IAPP: variants seen among roughly 807,000 people sequenced by gnomAD.
IAPP encodes the protein Islet amyloid polypeptide (diabetes-associated peptide; amylin).
Under a neutral mutation model 2.9 loss-of-function variants are expected in IAPP, and 4 were observed. That is an observed-to-expected ratio of 1.39 (90% CI 0.69 to 3.19). The LOEUF (loss-of-function observed/expected upper bound fraction) is 3.19. IAPP is among the 30% of genes most tolerant of loss of function. The pLI, the probability that IAPP is intolerant of heterozygous loss-of-function variation, is 0.01. For synonymous variants in IAPP, 40 were observed against 42.1 expected (o/e 0.95, Z 0.19); for missense variants, 114 against 105.3 (o/e 1.08, Z -0.36).
At chr12:21,376,649 T>C (rs887334013) in intron 2 of IAPP, among the ~76,000 whole-genome samples, 8 of 151,270 alleles carry the variant, frequency 5.3e-5, no homozygotes, top group Non-Finnish European at 1.2e-4. Context: ...GGAAGAAATA[T>C]GGGAGTAAAA....
chr12:21,367,256 A>T (rs1454017208), intron 1 of IAPP, among the ~76,000 whole-genome samples: 1 of 152,178 alleles, frequency 6.6e-6, no homozygotes. Flanking sequence ...TCAGTCTTTC[A>T]TGTGTCCATT....
In IAPP at chr12:21,378,738, G is replaced by A. The variant is rs1161272674; in HGVS notation, c.*312G>A. On this transcript the variant is annotated 3_prime_UTR_variant, in exon 3 of 3. Coordinates refer to ENST00000240652, the MANE Select transcript of IAPP (RefSeq NM_000415.3). ...GGAGAAAAAGGTAGTTTGAACCTTG[G>A]TAAATTGTAAACAGCTAATAATGAA... The A allele has an allele frequency of 3.9e-6, 1 of 253,828 alleles. No individual in the cohort carries two copies. The highest frequency in any genetic ancestry group is 8.4e-5 in the East Asian group (1 of 11,918). 15.7% of individuals were successfully genotyped at this position (253,828 alleles called of 1,614,324 possible). A position where few individuals can be genotyped will look rare whatever the true frequency, so the allele number is the denominator to read the frequency against.
In IAPP at chr12:21,378,433, A is replaced by T. The variant is rs755253916; in HGVS notation, c.*7A>T. ...GAATTACTTGCCCCTTTAGAGGACA[A>T]TGTAACTCTATAGTTATTGTTTTAT... On this transcript the variant is annotated 3_prime_UTR_variant, in exon 3 of 3. Transcript: ENST00000240652. The T allele has an allele frequency of 1.2e-6, 2 of 1,601,128 alleles. No individual in the cohort carries two copies. The highest frequency in any genetic ancestry group is 2.7e-5 in the African/African-American group (2 of 74,668).
At chr12:21,359,573 C>T (rs553589529) in intron 1 of IAPP, among the ~76,000 whole-genome samples, 1 of 152,108 alleles carries the variant, frequency 6.6e-6, no homozygotes, top group East Asian at 1.9e-4. Flanking sequence ...TAGTGTCTCA[C>T]TAATAAATGT....
upstream of IAPP, among the ~76,000 whole-genome samples, chr12:21,370,984 T>C (rs1456659505): frequency 6.6e-6 from 1 of 152,244 alleles, no homozygotes; most frequent in Non-Finnish European, 1.5e-5. Flanking sequence ...GTTACAGCTC[T>C]GGCATTTATA....
chr12:21,369,234 C>G (rs1939611248), upstream of IAPP, among the ~76,000 whole-genome samples: 1 of 152,126 alleles, frequency 6.6e-6, no homozygotes, highest in Non-Finnish European at 1.5e-5. Context: ...TATCTTCAAT[C>G]TCTTCTCATT....
chr12:21,365,904 T>C (rs907035660), intron 1 of IAPP, among the ~76,000 whole-genome samples: 3 of 152,194 alleles, frequency 2.0e-5, no homozygotes, highest in Admixed American at 2.0e-4. Flanking sequence ...AAACAACAGG[T>C]GCTGGAGAGG....
At chr12:21,355,365 T>C (rs1937812028) in intron 1 of IAPP, among the ~76,000 whole-genome samples, 1 of 152,174 alleles carries the variant, frequency 6.6e-6, no homozygotes, top group Non-Finnish European at 1.5e-5. Flanking sequence ...AACATATTTT[T>C]ATGGCTAAGC....
intron 2 of IAPP, among the ~76,000 whole-genome samples, chr12:21,375,096 G>A (rs1940093907): frequency 6.6e-6 from 1 of 152,166 alleles, no homozygotes; most frequent in East Asian, 1.9e-4. Flanking sequence ...GGGATTATAA[G>A]AGTGAGCCAC....
At chr12:21,364,541 T>C (rs933167024) in intron 1 of IAPP, among the ~76,000 whole-genome samples, 1 of 152,234 alleles carries the variant, frequency 6.6e-6, no homozygotes, top group African/African-American at 2.4e-5. Flanking sequence ...TTGGAAGTTC[T>C]GGCCAGGGCA....
At chr12:21,362,202 C>T (rs1344133210) in intron 1 of IAPP, among the ~76,000 whole-genome samples, 3 of 152,022 alleles carry the variant, frequency 2.0e-5, no homozygotes, top group Admixed American at 1.3e-4. Context: ...GCGGGTCTCT[C>T]GGCAGAAACT....
intron 2 of IAPP, among the ~76,000 whole-genome samples, chr12:21,373,895 A>C (rs1311472361): frequency 6.6e-6 from 1 of 152,188 alleles, no homozygotes; most frequent in Non-Finnish European, 1.5e-5. Flanking sequence ...ATCTTGTGGA[A>C]ATGGAAATGT....
At chr12:21,371,542 T>A (rs1939789907), upstream of IAPP, among the ~76,000 whole-genome samples, 1 of 152,160 alleles carries the variant, frequency 6.6e-6, no homozygotes, top group Non-Finnish European at 1.5e-5. Context: ...GTTACAAAGC[T>A]TTTAAGAAGT....
chr12:21,367,065 A>G (rs1028608720), intron 1 of IAPP, among the ~76,000 whole-genome samples: 9 of 152,154 alleles, frequency 5.9e-5, no homozygotes, highest in African/African-American at 2.2e-4. Context: ...GAATTTAAAT[A>G]TATCAGGAAT....
intron 1 of IAPP, among the ~76,000 whole-genome samples, chr12:21,361,658 G>T (rs1028936489): frequency 2.0e-5 from 3 of 152,202 alleles, no homozygotes; most frequent in Middle Eastern, 3.4e-3. Context: ...AAGAGTAGAC[G>T]AATGGCAGTG....
chr12:21,373,677 T>C (rs1308172648), intron 2 of IAPP: 2 of 701,452 alleles, frequency 2.9e-6, no homozygotes, highest in African/African-American at 1.7e-5. Flanking sequence ...TCAAGAAATA[T>C]ACTCTTGGAA....
At chr12:21,365,513 A>T (rs143614666) in intron 1 of IAPP, among the ~76,000 whole-genome samples, 56 of 152,322 alleles carry the variant, frequency 3.7e-4, no homozygotes, top group Admixed American at 5.9e-4. Flanking sequence ...TAAAACACCA[A>T]AAGCAATGGC....
intron 1 of IAPP, among the ~76,000 whole-genome samples, chr12:21,360,354 A>T (rs182550524): frequency 6.6e-6 from 1 of 152,354 alleles, no homozygotes; most frequent in African/African-American, 2.4e-5. Context: ...ACACCAATAT[A>T]AAAATAAATA....
chr12:21,375,209 A>G (rs1000418169), intron 2 of IAPP, among the ~76,000 whole-genome samples: 1 of 152,202 alleles, frequency 6.6e-6, no homozygotes, highest in African/African-American at 2.4e-5. Context: ...TTATAAAATT[A>G]TTTTGATGTT....
Sources: allele counts gnomAD v4.1 joint callset (sites outside exome capture counted in the v4.1 genomes callset), GRCh38; gene constraint gnomAD v4.1.1; transcripts MANE v1.5; gene names NCBI Gene and HGNC (gene_info 2026-07-23, HGNC 2026-07-21).